Variants in CNTN5 observed in about 807,000 individuals in gnomAD.
CNTN5 encodes contactin-5.
A neutral mutation model predicts 129.1 loss-of-function variants in CNTN5; 77 were observed. The ratio of observed to expected loss-of-function variants is 0.60; its 90% CI spans 0.50 to 0.72. The LOEUF (loss-of-function observed/expected upper bound fraction) is 0.72, where lower values mean the gene tolerates loss of function less well. Among genes scored for constraint, CNTN5 ranks in the 30% least tolerant of loss-of-function variants. The probability of loss-of-function intolerance (pLI) is 0.00; values close to 1 mark genes in which losing one functional copy is unlikely to be tolerated. For synonymous variants in CNTN5, 509 were observed against 465.6 expected, an observed-to-expected ratio of 1.09 and a Z score of -1.20; for missense variants, 1,478 against 1,328.8, an observed-to-expected ratio of 1.11 and a Z score of -1.75.
At chr11:100,220,260 G>A (rs992818362) in intron 15 of CNTN5, among the ~76,000 whole-genome samples, 2 of 151,472 alleles carry the variant, frequency 1.3e-5, no homozygotes, top group African/African-American at 4.9e-5. Context: ...CTGGGTGACA[G>A]AGCGAGACTC....
chr11:99,251,043 T>C (rs186659964), intron 1 of CNTN5, among the ~76,000 whole-genome samples: 18 of 152,046 alleles, frequency 1.2e-4, no homozygotes, highest in South Asian at 6.2e-4. Context: ...ATATCAGAAA[T>C]AATGATAACT....
At chr11:99,350,656 T>C (rs1267074253) in intron 2 of CNTN5, among the ~76,000 whole-genome samples, 1 of 152,116 alleles carries the variant, frequency 6.6e-6, no homozygotes, top group African/African-American at 2.4e-5. Context: ...TGTAACAGTA[T>C]GAGTGATCTC....
At chr11:99,618,767 T>G (rs1365350166) in intron 3 of CNTN5, among the ~76,000 whole-genome samples, 5 of 152,290 alleles carry the variant, frequency 3.3e-5, no homozygotes, top group Non-Finnish European at 5.9e-5. Flanking sequence ...AATATTTGGG[T>G]TTTCTAATTT....
chr11:99,460,227 A>G (rs1591096208), intron 2 of CNTN5, among the ~76,000 whole-genome samples: 1 of 151,662 alleles, frequency 6.6e-6, no homozygotes, highest in Non-Finnish European at 1.5e-5. Flanking sequence ...TTAAATAGAA[A>G]TTATCTCTTA....
At chr11:99,366,806 G>A (rs1004805848) in intron 2 of CNTN5, among the ~76,000 whole-genome samples, 18 of 152,132 alleles carry the variant, frequency 1.2e-4, no homozygotes, top group Non-Finnish European at 1.8e-4. Flanking sequence ...CGCCAGAGGA[G>A]TAATTTTCTC....
chr11:100,118,377 A>G (rs1284679775), intron 13 of CNTN5, among the ~76,000 whole-genome samples: 1 of 151,888 alleles, frequency 6.6e-6, no homozygotes, highest in Non-Finnish European at 1.5e-5. Context: ...GAAAGGCAGT[A>G]CTGCTCGTTA....
At chr11:99,114,296 C>A (rs1012346356) in intron 1 of CNTN5, among the ~76,000 whole-genome samples, 1 of 151,972 alleles carries the variant, frequency 6.6e-6, no homozygotes, top group Admixed American at 6.6e-5. Context: ...TTATATCATT[C>A]GAGAGATGTA....
chr11:99,319,225 G>A (rs1865464357), intron 1 of CNTN5, among the ~76,000 whole-genome samples: 1 of 152,142 alleles, frequency 6.6e-6, no homozygotes, highest in Non-Finnish European at 1.5e-5. Flanking sequence ...GTTATCATTG[G>A]TATTTACTTC....
chr11:99,066,499 T>A (rs1446144098), intron 1 of CNTN5, among the ~76,000 whole-genome samples: 2 of 152,102 alleles, frequency 1.3e-5, no homozygotes, highest in African/African-American at 4.8e-5. Flanking sequence ...GATCAACAAA[T>A]TTTTCTCTGT....
intron 3 of CNTN5, among the ~76,000 whole-genome samples, chr11:99,792,481 A>G (rs1193930422): frequency 6.7e-6 from 1 of 150,176 alleles, no homozygotes; most frequent in Non-Finnish European, 1.5e-5. Flanking sequence ...ATGGTTTGCT[A>G]GTATTTTGTT....
Position 99,301,298 on chromosome 11 carries a change from T to G in CNTN5, c.-209-24048T>G, listed in dbSNP as rs540727179. 7.1e-4 allele frequency among the ~76,000 whole-genome samples: 100 copies of G among 140,668 alleles called. 1 individual carries two copies. The highest frequency in any genetic ancestry group is 2.5e-3 in the African/African-American group (98 of 39,120). 92.3% of individuals were successfully genotyped at this position (140,668 alleles called of 152,430 possible). On this transcript the variant is annotated intron_variant, in intron 1 of 24. Coordinates refer to ENST00000524871, the MANE Select transcript of CNTN5 (RefSeq NM_014361.4). Reference sequence around the variant, plus strand: ...GTTAAATACCCCAAAGAGCAGAGATTGACTGAACTGAAAAAAAAAGATTAA... The same window carrying G: ...GTTAAATACCCCAAAGAGCAGAGATGGACTGAACTGAAAAAAAAAGATTAA...
At chr11:100,058,141 T>C (rs2137787821) in intron 9 of CNTN5, among the ~76,000 whole-genome samples, 1 of 152,198 alleles carries the variant, frequency 6.6e-6, no homozygotes, top group Admixed American at 6.5e-5. Context: ...ATTGAAATTA[T>C]AGATAAAATA....
chr11:99,960,969 G>A (rs1455432782), intron 8 of CNTN5, among the ~76,000 whole-genome samples: 5 of 151,998 alleles, frequency 3.3e-5, no homozygotes, highest in Admixed American at 1.3e-4. Context: ...TTGGGAGGCC[G>A]TGGCGAGCGG....
chr11:99,633,555 T>C (rs1311027938), intron 3 of CNTN5, among the ~76,000 whole-genome samples: 3 of 152,082 alleles, frequency 2.0e-5, no homozygotes, highest in Non-Finnish European at 4.4e-5. Context: ...AAAATAAATA[T>C]TTATCAAGCA....
At chr11:99,220,862 CTTATGAAAACAATGAT>C (rs1031802449) in intron 1 of CNTN5, among the ~76,000 whole-genome samples, 3 of 151,702 alleles carry the variant, frequency 2.0e-5, no homozygotes, top group African/African-American at 7.3e-5. Context: ...AAATTTTCAC[CTTATGAAAACAATGAT>C]TTAAAAAAAA....
At chr11:99,303,779 TATTTAAAGTTCTAAAAAGTTAAC>T (rs1436984061) in intron 1 of CNTN5, among the ~76,000 whole-genome samples, 2 of 152,124 alleles carry the variant, frequency 1.3e-5, no homozygotes, top group Admixed American at 1.3e-4. Context: ...CTATGGTTGA[TATTTAAAGTTCTAAAAAGTTAAC>T]AGGGCTGTCA....
At chr11:99,755,567 A>AT (rs551826553) in intron 3 of CNTN5, among the ~76,000 whole-genome samples, 9 of 151,020 alleles carry the variant, frequency 6.0e-5, no homozygotes, top group Middle Eastern at 3.4e-3. Flanking sequence ...TTTAATTGGG[A>AT]TTTTTTTTAT....
Position 99,665,122 on chromosome 11 carries a change from A to G in CNTN5, c.55+108853A>G, listed in dbSNP as rs1952736844. Among the ~76,000 whole-genome samples the G allele has an allele frequency of 2.0e-5, 3 of 152,214 alleles. No homozygotes were observed. The South Asian group carries it at 6.2e-4, about 32-fold the overall frequency. On this transcript the variant is annotated intron_variant, in intron 3 of 24. Transcript: ENST00000524871. ...TCATTTTCAGAAGTGTAAAAATGTG[A>G]ATAATAGGAAGAAAACTTTTATTTT...
chr11:99,772,935 T>A (rs1469687590), intron 3 of CNTN5, among the ~76,000 whole-genome samples: 2 of 152,048 alleles, frequency 1.3e-5, no homozygotes. Context: ...TAAGTCAGAA[T>A]TTTAGATTTT....
Sources: gnomAD v4.1 joint callset for allele counts (sites outside exome capture counted in the v4.1 genomes callset) on GRCh38, gnomAD v4.1.1 for gene constraint, MANE v1.5 for transcripts, NCBI Gene and HGNC (gene_info 2026-07-23, HGNC 2026-07-21) for gene names.